The following DBF4B variants were observed in gnomAD, a reference collection of about 807,000 sequenced individuals.
The protein encoded by DBF4B is protein DBF4 homolog B.
Under a neutral mutation model 53.4 loss-of-function variants are expected in DBF4B, and 49 were observed. That is an observed-to-expected ratio of 0.92 (90% CI 0.73 to 1.16). The LOEUF is 1.16. Among genes scored for constraint, DBF4B ranks in the 50% most tolerant of loss-of-function variants. DBF4B has a pLI of 0.00. For synonymous variants in DBF4B, 257 were observed against 288.7 expected (o/e 0.89, Z 1.11); for missense variants, 692 against 775.0 (o/e 0.89, Z 1.27).
rs770404698 is a variant in DBF4B at position 44,749,288 on chromosome 17, A to G, written c.1189+823A>G. ...CAACCCCAGCCCCAGCCCCAGCCCC[A>G]TGCTGGCAGAGAGCTGCTCCTACGA... On this transcript the variant is annotated intron_variant, in intron 13 of 13. Transcript: ENST00000315005. The surrounding 1 kb of genome is among the most constrained non-coding windows in gnomAD (Gnocchi z 4.4). The G allele has an allele frequency of 1.4e-4, 181 of 1,289,216 alleles. No homozygotes were observed. Among genetic ancestry groups the G allele is most frequent in the Middle Eastern group, 2.1e-4 (1 of 4,694 alleles). The allele number at this position is 1,289,216 out of a possible 1,614,324, so 79.9% of individuals were successfully genotyped here. A position where few individuals can be genotyped will look rare whatever the true frequency, so the allele number is the denominator to read the frequency against.
chr17:44,731,072 A>C, intron 5 of DBF4B, 57 bp downstream of exon 5: 5 of 1,598,930 alleles, frequency 3.1e-6, no homozygotes, highest in South Asian at 1.1e-5. Flanking sequence ...GAGGGATTTC[A>C]CTCTTCTTCC....
rs1423296930 is a variant in DBF4B, at chr17:44,747,205, C to A, written c.939+14C>A. 1.8e-5 allele frequency: 29 copies of A among 1,613,044 alleles called. No individual in the cohort carries two copies. Among genetic ancestry groups the A allele is most frequent in the Non-Finnish European group, 2.5e-5 (29 of 1,179,182 alleles). On this transcript the variant is annotated intron_variant, in intron 11 of 13. Transcript: ENST00000315005. Reference sequence around the variant, plus strand: ...GAGCTCCATGTGGTGAGCCCCTTCCCCATTAAGCAGCTGCTCCCAGAGTGC... The same window carrying A: ...GAGCTCCATGTGGTGAGCCCCTTCCACATTAAGCAGCTGCTCCCAGAGTGC...
chr17:44,747,257 G>T, intron 11 of DBF4B, 66 bp downstream of exon 11: 1 of 1,600,022 alleles, frequency 6.2e-7, no homozygotes, highest in South Asian at 1.1e-5. Flanking sequence ...CACTGGGGAT[G>T]AGTCCTTCCT....
At chr17:44,722,235 AAC>A (rs372541456) in intron 2 of DBF4B, among the ~76,000 whole-genome samples, 5 of 151,450 alleles carry the variant, frequency 3.3e-5, no homozygotes, top group Non-Finnish European at 4.4e-5. Context: ...TGTGCTCTCC[AAC>A]ACACACACAC....
At chr17:44,730,117 A>G in intron 4 of DBF4B, 21 bp downstream of exon 4, 1 of 1,610,182 alleles carries the variant, frequency 6.2e-7, no homozygotes, top group East Asian at 2.2e-5. Flanking sequence ...CATGTAGGAA[A>G]GGTATGCTGT....
In DBF4B at chr17:44,709,339, G is replaced by C. The variant is rs1364582420; in HGVS notation, c.55G>C (p.Glu19Gln). The C allele has an allele frequency of 1.9e-6, 3 of 1,614,054 alleles. No homozygotes were observed. Among genetic ancestry groups the C allele is most frequent in the Non-Finnish European group, 2.5e-6 (3 of 1,180,036 alleles). ...CCTCGAGCTGGAGAGTTCCATGGCT[G>C]AGAGTAGGCTCCGGGCCCCGGACCT... Reference protein sequence around the residue: ...DCLELESSMAESRLRAPDLGV... With the variant: ...DCLELESSMAQSRLRAPDLGV... The change falls in exon 2 of 14, where the codon GAG (glutamate) becomes CAG (glutamine). Residue 19 changes from glutamate (E) to glutamine (Q), a missense_variant. Transcript: ENST00000315005.
At chr17:44,725,704 T>C (rs933183261) in intron 3 of DBF4B, among the ~76,000 whole-genome samples, 4 of 144,128 alleles carry the variant, frequency 2.8e-5, no homozygotes, top group Admixed American at 6.9e-5. Context: ...TTTTTTTTTT[T>C]AAGAGGGGGC....
At chr17:44,737,490 G>A (rs1207329007) in intron 8 of DBF4B, among the ~76,000 whole-genome samples, 1 of 152,208 alleles carries the variant, frequency 6.6e-6, no homozygotes, top group African/African-American at 2.4e-5. Flanking sequence ...TCCCCAAAAA[G>A]TAATTAATGA....
At chr17:44,750,041 C>T (rs981151616) in intron 13 of DBF4B, 3 of 1,000,834 alleles carry the variant, frequency 3.0e-6, no homozygotes, top group Non-Finnish European at 3.6e-6. Flanking sequence ...AGAGCCCCCT[C>T]TGGGACCCCT....
intron 7 of DBF4B, 47 bp downstream of exon 7, chr17:44,734,210 A>G (rs201655248): frequency 6.2e-7 from 1 of 1,612,994 alleles, no homozygotes; most frequent in East Asian, 2.2e-5. Flanking sequence ...GTTTTCAATG[A>G]AATCAGTGAC....
chr17:44,727,733 T>C (rs1974481104), intron 3 of DBF4B, among the ~76,000 whole-genome samples: 1 of 152,202 alleles, frequency 6.6e-6, no homozygotes, highest in Non-Finnish European at 1.5e-5. Flanking sequence ...GTTTTGCTCT[T>C]GATGCCCAGG....
At position 44,709,075 on chromosome 17, in the gene DBF4B, GT is replaced by G. The variant is rs201297134; in HGVS notation, c.20-228del. 3,436 of 777,440 alleles carry G rather than the reference GT, an allele frequency of 4.4e-3. 16 individuals are homozygous for G. Among genetic ancestry groups the G allele is most frequent in the South Asian group, 6.7e-3 (406 of 60,774 alleles). The allele number at this position is 777,440 out of a possible 1,614,324, so 48.2% of individuals were successfully genotyped here. On this transcript the variant is annotated intron_variant, in intron 1 of 13. Transcript: ENST00000315005. Reference sequence around the variant, plus strand: ...GTATGGAGATTGAGATGGACAGGAGGTGGCCAAGAGGTCACGGCCGTTGACT... The same window carrying G: ...GTATGGAGATTGAGATGGACAGGAGGGGCCAAGAGGTCACGGCCGTTGACT...
chr17:44,750,523 A>G (rs2049254635), intron 13 of DBF4B, 72 bp from the exon 14 acceptor site: 1 of 1,512,312 alleles, frequency 6.6e-7, no homozygotes, highest in Non-Finnish European at 8.8e-7. Flanking sequence ...AAATGTAAAT[A>G]AATTTGTTAA....
chr17:44,724,870 A>T (rs1156614204), intron 3 of DBF4B, among the ~76,000 whole-genome samples: 1 of 152,110 alleles, frequency 6.6e-6, no homozygotes, highest in East Asian at 1.9e-4. Context: ...TAATCCCGGC[A>T]CTTTGGGAGG....
At chr17:44,747,017 A>C in intron 10 of DBF4B, 66 bp from the exon 11 acceptor site, 1 of 1,457,770 alleles carries the variant, frequency 6.9e-7, no homozygotes, top group African/African-American at 1.4e-5. Flanking sequence ...CCAGGCTCTA[A>C]GTAGTGGCTC....
chr17:44,728,648 C>T lies in DBF4B; in HGVS notation c.226-1257C>T, dbSNP rs150832282. Among the ~76,000 whole-genome samples the T allele has an allele frequency of 8.0e-3, 1,211 of 151,878 alleles. 11 individuals are homozygous for T. Among genetic ancestry groups the T allele is most frequent in the African/African-American group, 0.028 (1,145 of 41,386 alleles). On this transcript the variant is annotated intron_variant, in intron 3 of 13. Transcript: ENST00000315005. ...CCTGGCCAACATGGTGAAACCCCAT[C>T]TCTACTAAAATTACAAAAATTAGCT...
rs1973068437 is a variant in DBF4B at position 44,713,392 on chromosome 17, C to T, written c.82+4026C>T. The stretch of plus-strand genomic sequence containing the variant: ...ATTCGGCCGGGCGCGGTGGCTCATA[C>T]CTGTAATCCCAGCACTTTGGGAGGC... On this transcript the variant is annotated intron_variant, in intron 2 of 13. Transcript: ENST00000315005. Among the ~76,000 whole-genome samples, 3 of 151,104 alleles carry T rather than the reference C, an allele frequency of 2.0e-5. No individual in the cohort carries two copies. The South Asian group carries it at 6.3e-4, about 32-fold the overall frequency.
At position 44,749,884 on chromosome 17, in the gene DBF4B, C is replaced by T; in HGVS notation, c.1190-711C>T. ...CCAAAATGACTGTGTTTGTCCCCTC[C>T]CCCAGCCCCCCACGCTCCCGCACAC... On this transcript the variant is annotated intron_variant, in intron 13 of 13. Transcript: ENST00000315005. This position sits in a 1 kb window ranked among gnomAD's most constrained non-coding sequence, Gnocchi z 4.4. The T allele has an allele frequency of 9.6e-7, 1 of 1,037,690 alleles. No homozygotes were observed. Among genetic ancestry groups the T allele is most frequent in the Non-Finnish European group, 1.2e-6 (1 of 861,138 alleles). The allele number at this position is 1,037,690 out of a possible 1,614,324, so 64.3% of individuals were successfully genotyped here.
intron 3 of DBF4B, among the ~76,000 whole-genome samples, chr17:44,724,967 T>G (rs1325182748): frequency 6.6e-6 from 1 of 151,996 alleles, no homozygotes; most frequent in Admixed American, 6.6e-5. Flanking sequence ...AAATACAAAA[T>G]TAGCCGGGTG....
Sources: gnomAD v4.1 joint callset for allele counts (sites outside exome capture counted in the v4.1 genomes callset) on GRCh38, gnomAD v4.1.1 for gene constraint, Gnocchi (gnomAD v3.1) non-coding constraint, MANE v1.5 for transcripts, NCBI Gene and HGNC (gene_info 2026-07-23, HGNC 2026-07-21) for gene names.